The following EPS8 variants were observed in gnomAD, a reference collection of about 807,000 sequenced individuals.
EPS8 encodes the protein epidermal growth factor receptor kinase substrate 8.
In EPS8, 42 loss-of-function variants were observed where a neutral mutation model predicts 103.8. The ratio of observed to expected loss-of-function variants is 0.40; its 90% confidence interval spans 0.32 to 0.52. The LOEUF is 0.52. Among genes scored for constraint, EPS8 ranks in the 20% least tolerant of loss-of-function variants. The pLI, the probability that EPS8 is intolerant of heterozygous loss-of-function variation, is 0.40. For missense variants in EPS8, 969 were observed against 1,005.1 expected (o/e 0.96, Z 0.49); for synonymous variants, 344 against 344.6 (o/e 1.00, Z 0.02).
At chr12:15,786,874 A>G (rs190473300) in intron 1 of EPS8, among the ~76,000 whole-genome samples, 199 of 152,282 alleles carry the variant, frequency 1.3e-3, no homozygotes, top group Non-Finnish European at 9.9e-4. Flanking sequence ...GGAGGGATTT[A>G]CTATAGCCAG....
chr12:15,774,665 CAT>C (rs969559605), intron 1 of EPS8, among the ~76,000 whole-genome samples: 15 of 146,412 alleles, frequency 1.0e-4, no homozygotes, highest in South Asian at 2.1e-4. Flanking sequence ...TATATACACA[CAT>C]ATATATATTT....
chr12:15,627,092 T>C (rs7312397), intron 18 of EPS8, among the ~76,000 whole-genome samples: 152,119 of 152,210 alleles, frequency 1, 76,014 homozygotes, highest in Middle Eastern at 1. Flanking sequence ...CTCCGCCTCC[T>C]GGGTTCAAGC....
rs1301205764 is a variant in EPS8 at position 15,736,799 on chromosome 12, T to C, written c.-22+52362A>G. ...TGATATAGAACCATACAACCAAGCA[T>C]ATGTCAATACCCTCCATGGAGACAC... is the stretch of plus-strand genomic sequence containing the variant. On this transcript the variant is annotated intron_variant, in intron 1 of 20. Coordinates refer to ENST00000281172, the MANE Select transcript of EPS8 (RefSeq NM_004447.6). The surrounding 1 kb of genome is among the most constrained non-coding windows in gnomAD (Gnocchi z 4.2). Among the ~76,000 whole-genome samples, 2 of 152,092 alleles carry C rather than the reference T, an allele frequency of 1.3e-5. No homozygotes were observed. Among genetic ancestry groups the C allele is most frequent in the African/African-American group, 4.8e-5 (2 of 41,402 alleles).
intron 1 of EPS8, among the ~76,000 whole-genome samples, chr12:15,765,780 A>T (rs1947087002): frequency 6.6e-6 from 1 of 151,144 alleles, no homozygotes; most frequent in Non-Finnish European, 1.5e-5. Context: ...TTTTTGACAC[A>T]TATCTACTTT....
intron 1 of EPS8, among the ~76,000 whole-genome samples, chr12:15,743,663 A>C (rs1478302216): frequency 6.6e-6 from 1 of 152,226 alleles, no homozygotes; most frequent in Non-Finnish European, 1.5e-5. Flanking sequence ...AAATGGGGAA[A>C]GGATTCCCTA....
rs1205393663 is a variant in EPS8, at chr12:15,748,197, A to G, written c.-22+40964T>C. ...CAAAATGGGAAATAATCATAATACC[A>G]ACCTTGTCTACTGCATAAGATCACT... On this transcript the variant is annotated intron_variant, in intron 1 of 20. Coordinates refer to ENST00000281172, the MANE Select transcript of EPS8 (RefSeq NM_004447.6). The surrounding 1 kb of genome is among the most constrained non-coding windows in gnomAD (Gnocchi z 4.8). 6.6e-6 allele frequency among the ~76,000 whole-genome samples: 1 copy of G among 152,152 alleles called. No individual in the cohort carries two copies. Among genetic ancestry groups the G allele is most frequent in the Non-Finnish European group, 1.5e-5 (1 of 68,034 alleles).
intron 1 of EPS8, among the ~76,000 whole-genome samples, chr12:15,775,974 G>C (rs1322171764): frequency 6.6e-6 from 1 of 152,078 alleles, no homozygotes; most frequent in Non-Finnish European, 1.5e-5. Context: ...CGTATCACAA[G>C]AAAGAACACT....
chr12:15,778,617 T>C lies in EPS8; in HGVS notation c.-22+10544A>G, dbSNP rs894719298. Among the ~76,000 whole-genome samples, 2 of 152,154 alleles carry C rather than the reference T, an allele frequency of 1.3e-5. No homozygotes were observed. The highest frequency in any genetic ancestry group is 2.4e-5 in the African/African-American group (1 of 41,450). ...CAATCTGAAGATAGGGTTTCAAAAA[T>C]TCACATTCCTGGATTAAAGAATAAT... On this transcript the variant is annotated intron_variant, in intron 1 of 20. Transcript: ENST00000281172. This position sits in a 1 kb window ranked among gnomAD's most constrained non-coding sequence, Gnocchi z 4.5.
chr12:15,786,430 A>T (rs1947311493), intron 1 of EPS8, among the ~76,000 whole-genome samples: 1 of 152,116 alleles, frequency 6.6e-6, no homozygotes, highest in Admixed American at 6.5e-5. Flanking sequence ...ATTACGAGGA[A>T]ATACATTTAG....
At position 15,734,562 on chromosome 12, in the gene EPS8, T is replaced by C. The variant is rs1261609689; in HGVS notation, c.-21-51590A>G. ...ACAAAGAATTAGCCGGGCATGGTGG[T>C]GGGCGCCTGTGGTCCCAGCTACTCG... is the stretch of plus-strand genomic sequence containing the variant. On this transcript the variant is annotated intron_variant, in intron 1 of 20. Transcript: ENST00000281172. This position sits in a 1 kb window ranked among gnomAD's most constrained non-coding sequence, Gnocchi z 4.1. 6.6e-6 allele frequency among the ~76,000 whole-genome samples: 1 copy of C among 151,870 alleles called. No homozygotes were observed. The highest frequency in any genetic ancestry group is 1.5e-5 in the Non-Finnish European group (1 of 67,976).
intron 8 of EPS8, among the ~76,000 whole-genome samples, chr12:15,663,930 A>AG: frequency 1.0e-4 from 1 of 9,602 alleles, no homozygotes; most frequent in East Asian, 1.2e-3. Context: ...CAAAAAAAAA[A>AG]AAAAAAAAAA....
Position 15,669,730 on chromosome 12 carries a change from C to T in EPS8, c.300G>A (p.Val100=), listed in dbSNP as rs568338536. 2 of 1,613,786 alleles carry T rather than the reference C, an allele frequency of 1.2e-6. No individual in the cohort carries two copies. Among genetic ancestry groups the T allele is most frequent in the Non-Finnish European group, 1.7e-6 (2 of 1,179,854 alleles). ...KLKLLDAKGK[V]WTQDMILQVD... is the part of the protein sequence containing the mutation. ...CTTGAAGAATCATATCTTGAGTCCA[C>T]ACTTTGCCCTTGGCATCAAGCAATT... Residue 100 remains valine (V), a synonymous_variant, in exon 5 of 21, where the codon GTG becomes GTA. Coordinates refer to ENST00000281172, the MANE Select transcript of EPS8 (RefSeq NM_004447.6).
intron 2 of EPS8, 49 bp from the exon 3 acceptor site, chr12:15,681,351 G>A: frequency 1.2e-6 from 1 of 855,902 alleles, no homozygotes. Context: ...AAAGGTCATT[G>A]TGTTGGGTTA....
rs1027975930 is a variant in EPS8 at position 15,779,809 on chromosome 12, C to T, written c.-22+9352G>A. Among the ~76,000 whole-genome samples, 11 of 152,202 alleles carry T rather than the reference C, an allele frequency of 7.2e-5. No individual in the cohort carries two copies. Among genetic ancestry groups the T allele is most frequent in the Middle Eastern group, 6.8e-3 (2 of 294 alleles). The stretch of plus-strand genomic sequence containing the variant: ...TAGAACTCTGATCTCTTATCAAGCA[C>T]ATAATTCATTTAACAAGTTATTTTT... On this transcript the variant is annotated intron_variant, in intron 1 of 20. Transcript: ENST00000281172. The surrounding 1 kb of genome is among the most constrained non-coding windows in gnomAD (Gnocchi z 4.3).
chr12:15,648,921 A>C (rs1945365855), intron 14 of EPS8, among the ~76,000 whole-genome samples: 1 of 152,214 alleles, frequency 6.6e-6, no homozygotes, highest in African/African-American at 2.4e-5. Context: ...GAATTACCCA[A>C]GTCTTGTTGT....
In EPS8 at chr12:15,704,570, G is replaced by A. The variant is rs1355153361; in HGVS notation, c.-21-21598C>T. ...AGCATAATGGTGGCTGCCAGGGGCT[G>A]TGGAAGGTGGAGAATGGGTAGTTAT... On this transcript the variant is annotated intron_variant, in intron 1 of 20. Transcript: ENST00000281172. This position sits in a 1 kb window ranked among gnomAD's most constrained non-coding sequence, Gnocchi z 4.6. 6.6e-6 allele frequency among the ~76,000 whole-genome samples: 1 copy of A among 152,202 alleles called. No individual in the cohort carries two copies. The highest frequency in any genetic ancestry group is 1.9e-4 in the East Asian group (1 of 5,198).
Position 15,767,892 on chromosome 12 carries a change from G to T in EPS8, c.-22+21269C>A, listed in dbSNP as rs1468445628. Among the ~76,000 whole-genome samples, 4 of 152,124 alleles carry T rather than the reference G, an allele frequency of 2.6e-5. No individual in the cohort carries two copies. The East Asian group carries it at 5.8e-4, about 22-fold the overall frequency. On this transcript the variant is annotated intron_variant, in intron 1 of 20. Coordinates refer to ENST00000281172, the MANE Select transcript of EPS8 (RefSeq NM_004447.6). This position sits in a 1 kb window ranked among gnomAD's most constrained non-coding sequence, Gnocchi z 5.5. ...TTGTCTTTCCCCAGAGAATAAAATA[G>T]ATATTTTTGGTTGTTATTTTACAAA...
rs1244870000 is a variant in EPS8, at chr12:15,698,065, CA to C, written c.-21-15094del. Among the ~76,000 whole-genome samples the C allele has an allele frequency of 2.0e-5, 3 of 151,978 alleles. No individual in the cohort carries two copies. The highest frequency in any genetic ancestry group is 7.3e-5 in the African/African-American group (3 of 41,378). Reference sequence around the variant, plus strand: ...ACTCTTATATCCAACTTTGAGGCAACATATGTTTTACAAAGCATGGGGACAT... The same window carrying C: ...ACTCTTATATCCAACTTTGAGGCAACTATGTTTTACAAAGCATGGGGACAT... On this transcript the variant is annotated intron_variant, in intron 1 of 20. Coordinates refer to ENST00000281172, the MANE Select transcript of EPS8 (RefSeq NM_004447.6). The surrounding 1 kb of genome is among the most constrained non-coding windows in gnomAD (Gnocchi z 4.9).
intron 19 of EPS8, 137 bp from the exon 20 acceptor site, chr12:15,623,424 C>T (rs987256244): frequency 1.9e-5 from 13 of 685,350 alleles, no homozygotes; most frequent in Non-Finnish European, 2.6e-5. Flanking sequence ...AATGCCACTA[C>T]AGTCTTTATA....
Sources: gnomAD v4.1 joint callset for allele counts (sites outside exome capture counted in the v4.1 genomes callset) on GRCh38, gnomAD v4.1.1 for gene constraint, Gnocchi (gnomAD v3.1) non-coding constraint, MANE v1.5 for transcripts, NCBI Gene and HGNC (gene_info 2026-07-23, HGNC 2026-07-21) for gene names.